Variants in TBC1D32 observed in about 807,000 individuals in gnomAD.
The protein encoded by TBC1D32 is protein broad-minded.
A neutral mutation model predicts 170.3 loss-of-function variants in TBC1D32; 151 were observed. The observed-to-expected ratio is 0.89, with a 90% CI of 0.78 to 1.01. The LOEUF is 1.01. Ranked by LOEUF, TBC1D32 falls within the 50% of genes least tolerant of loss-of-function variation. The pLI is 0.00. For synonymous variants in TBC1D32, 498 were observed against 488.0 expected (o/e 1.02, Z -0.27); for missense variants, 1,464 against 1,457.1 (o/e 1.00, Z -0.08).
At chr6:121,316,888 C>G (rs1445069385) in intron 3 of TBC1D32, among the ~76,000 whole-genome samples, 1 of 152,106 alleles carries the variant, frequency 6.6e-6, no homozygotes, top group South Asian at 2.1e-4. Flanking sequence ...GCCTGATAGC[C>G]TCTGTGTACA....
At chr6:121,085,258 C>CACATATAT (rs200728718) in intron 31 of TBC1D32, among the ~76,000 whole-genome samples, 9,597 of 145,448 alleles carry the variant, frequency 0.066, 935 homozygotes, top group African/African-American at 0.21. Context: ...TATATATATA[C>CACATATAT]ACATATATAC....
At chr6:121,279,466 T>A (rs1012812345) in intron 14 of TBC1D32, among the ~76,000 whole-genome samples, 7 of 152,018 alleles carry the variant, frequency 4.6e-5, no homozygotes, top group African/African-American at 1.7e-4. Context: ...AAATACAGAT[T>A]TTTTTTCACC....
At chr6:121,282,490 T>A (rs1489703467) in intron 13 of TBC1D32, among the ~76,000 whole-genome samples, 1 of 145,054 alleles carries the variant, frequency 6.9e-6, no homozygotes. Flanking sequence ...CTATTCTAAC[T>A]TATGTTACAA....
rs1198963937 is a variant in TBC1D32 at position 121,223,450 on chromosome 6, G to T, written c.2365-98C>A. 3 of 796,234 alleles carry T rather than the reference G, an allele frequency of 3.8e-6. No individual in the cohort carries two copies. In the African/African-American group the frequency reaches 5.4e-5, roughly 14 times the overall value. 49.3% of individuals were successfully genotyped at this position (796,234 alleles called of 1,614,324 possible). The stretch of plus-strand genomic sequence containing the variant: ...GTTTCCTATCTGTATGACTTTGAGG[G>T]CTCATTTTTAAATATACCTAATTCC... On this transcript the variant is annotated intron_variant, in intron 20 of 31. Transcript: ENST00000398212.
intron 20 of TBC1D32, among the ~76,000 whole-genome samples, chr6:121,230,448 C>T (rs986978740): frequency 1.3e-5 from 2 of 152,022 alleles, no homozygotes; most frequent in Non-Finnish European, 2.9e-5. Flanking sequence ...TTGCCTACCA[C>T]CTAAAATGTA....
rs764183037 is a variant in TBC1D32 at position 121,241,524 on chromosome 6, C to G, written c.2186G>C (p.Gly729Ala). The G allele has an allele frequency of 6.2e-7, 1 of 1,613,524 alleles. No homozygotes were observed. The highest frequency in any genetic ancestry group is 1.1e-5 in the South Asian group (1 of 91,002). The change falls in exon 19 of 32, where the codon GGA becomes GCA. Residue 729 changes from glycine to alanine, a missense_variant. Physicochemically the swap from Gly to Ala is moderately conservative, Grantham distance 60 (BLOSUM62 0). Around this residue, in one of 3 missense-constraint regions of TBC1D32, gnomAD observed 1,363 missense variants for 1,338.1 expected, o/e 1.02. Coordinates refer to ENST00000398212, the MANE Select transcript of TBC1D32 (RefSeq NM_152730.6). The stretch of plus-strand genomic sequence containing the variant: ...TGATGCCACTCGTGTAACCAAAACT[C>G]CATAGCCAAATTTTTTATGCCTGCT... Reference protein sequence around the residue: ...QVSRHKKFGYGVLVTRVASTA... With the variant: ...QVSRHKKFGYAVLVTRVASTA...
intron 27 of TBC1D32, 22 bp downstream of exon 27, chr6:121,115,150 G>A: frequency 6.4e-7 from 1 of 1,560,244 alleles, no homozygotes; most frequent in South Asian, 1.2e-5. Context: ...ATGCACAAGG[G>A]AGCTATTTCC....
At chr6:121,176,349 G>C (rs1404132788) in intron 22 of TBC1D32, among the ~76,000 whole-genome samples, 3 of 152,084 alleles carry the variant, frequency 2.0e-5, no homozygotes, top group Non-Finnish European at 4.4e-5. Flanking sequence ...TAAGGTGAGA[G>C]AATTTCTAAC....
At chr6:121,304,279 ACTGTCTTTACT>A in intron 8 of TBC1D32, 75 bp downstream of exon 8, 2 of 1,235,276 alleles carry the variant, frequency 1.6e-6, no homozygotes, top group Non-Finnish European at 2.3e-6. Context: ...GTCCATTAAG[ACTGTCTTTACT>A]CTTTCTGTCT....
chr6:121,146,395 TAGAA>T (rs530585261), intron 24 of TBC1D32, among the ~76,000 whole-genome samples: 709 of 152,286 alleles, frequency 4.7e-3, no homozygotes, highest in Non-Finnish European at 7.6e-3. Context: ...ATGATAATAA[TAGAA>T]AGCCTAAATT....
chr6:121,160,733 A>G (rs1204467837), intron 23 of TBC1D32, among the ~76,000 whole-genome samples: 1 of 152,246 alleles, frequency 6.6e-6, no homozygotes, highest in African/African-American at 2.4e-5. Flanking sequence ...CATGCAAACA[A>G]TACATACCCT....
chr6:121,197,451 T>C (rs1790887304), intron 22 of TBC1D32, among the ~76,000 whole-genome samples: 1 of 152,208 alleles, frequency 6.6e-6, no homozygotes, highest in Admixed American at 6.5e-5. Flanking sequence ...AAAAGAGGAC[T>C]GTAATTGTCA....
At chr6:121,287,737 A>T (rs1804110958) in intron 12 of TBC1D32, among the ~76,000 whole-genome samples, 1 of 152,186 alleles carries the variant, frequency 6.6e-6, no homozygotes, top group African/African-American at 2.4e-5. Context: ...TTCCAAATTG[A>T]CCACATAGTT....
intron 5 of TBC1D32, 57 bp from the exon 6 acceptor site, chr6:121,304,890 T>C (rs1807087942): frequency 6.9e-6 from 8 of 1,152,530 alleles, no homozygotes; most frequent in Non-Finnish European, 7.6e-6. Flanking sequence ...AGAATAGAGA[T>C]GAAACATTTT....
At chr6:121,124,118 G>T (rs1780578125) in intron 26 of TBC1D32, among the ~76,000 whole-genome samples, 1 of 151,864 alleles carries the variant, frequency 6.6e-6, no homozygotes, top group Non-Finnish European at 1.5e-5. Context: ...AGATTAAGTG[G>T]TTAACATACC....
chr6:121,321,036 T>C (rs1385469438), intron 2 of TBC1D32, among the ~76,000 whole-genome samples: 1 of 152,212 alleles, frequency 6.6e-6, no homozygotes, highest in Non-Finnish European at 1.5e-5. Flanking sequence ...GAATAATTAT[T>C]CCAGTTAAAT....
chr6:121,246,063 G>T (rs920654192), intron 17 of TBC1D32, among the ~76,000 whole-genome samples: 1 of 152,150 alleles, frequency 6.6e-6, no homozygotes. Flanking sequence ...ACCCAGGGGT[G>T]CCTCTCCTAT....
chr6:121,153,168 C>T (rs1784421547), intron 24 of TBC1D32, among the ~76,000 whole-genome samples: 1 of 152,020 alleles, frequency 6.6e-6, no homozygotes, highest in Admixed American at 6.6e-5. Context: ...CTATTGGTGA[C>T]CTTGGGATGG....
At chr6:121,258,833 T>C (rs997046805) in intron 15 of TBC1D32, among the ~76,000 whole-genome samples, 1 of 152,190 alleles carries the variant, frequency 6.6e-6, no homozygotes, top group Non-Finnish European at 1.5e-5. Flanking sequence ...CCTCTTCTTA[T>C]TGAACATTTG....
Sources: gnomAD v4.1 joint callset for allele counts (sites outside exome capture counted in the v4.1 genomes callset) on GRCh38, gnomAD v4.1.1 for gene constraint, gnomAD v4.1.1 regional missense constraint, MANE v1.5 for transcripts, NCBI Gene and HGNC (gene_info 2026-07-23, HGNC 2026-07-21) for gene names.